The following ZNF438 variants were observed in gnomAD, a reference collection of about 807,000 sequenced individuals.
The protein encoded by ZNF438 is zinc finger protein 438.
ZNF438 carries 25 observed loss-of-function variants against 38.0 expected under a neutral mutation model. The observed-to-expected ratio is 0.66, with a 90% CI of 0.48 to 0.92. The LOEUF (loss-of-function observed/expected upper bound fraction) is 0.92. ZNF438 is among the 40% of genes least tolerant of loss of function. The probability of loss-of-function intolerance (pLI) is 0.00; values close to 1 mark genes in which losing one functional copy is unlikely to be tolerated. For missense variants in ZNF438, 1,007 were observed against 999.6 expected (o/e 1.01, Z -0.10); for synonymous variants, 372 against 364.1 (o/e 1.02, Z -0.25).
chr10:30,939,992 T>G (rs751337981), intron 2 of ZNF438, among the ~76,000 whole-genome samples: 2 of 152,184 alleles, frequency 1.3e-5, no homozygotes, highest in Non-Finnish European at 2.9e-5. Flanking sequence ...TGGAATACAG[T>G]GCATTTCTTG....
chr10:30,977,342 GAA>G (rs2051485930), intron 1 of ZNF438, among the ~76,000 whole-genome samples: 1 of 152,180 alleles, frequency 6.6e-6, no homozygotes, highest in African/African-American at 2.4e-5. Context: ...GCTCAAGTGA[GAA>G]AGAAATTCTT....
intron 1 of ZNF438, among the ~76,000 whole-genome samples, chr10:31,013,522 A>C (rs2055916565): frequency 2.0e-5 from 3 of 152,086 alleles, no homozygotes; most frequent in African/African-American, 7.2e-5. Context: ...GAAACAAAAG[A>C]GGGGTTATTA....
At chr10:30,875,591 A>G (rs2038289657) in intron 4 of ZNF438, 1 of 985,134 alleles carries the variant, frequency 1.0e-6, no homozygotes, top group African/African-American at 1.7e-5. Context: ...CAAATCTTCC[A>G]GAGGATATAT....
At chr10:30,978,949 C>T (rs1314826913) in intron 1 of ZNF438, among the ~76,000 whole-genome samples, 4 of 152,120 alleles carry the variant, frequency 2.6e-5, no homozygotes, top group Non-Finnish European at 5.9e-5. Flanking sequence ...ATATCGTCTT[C>T]GAATATAAGG....
chr10:30,907,870 G>A lies in ZNF438; in HGVS notation c.-32+1063C>T, dbSNP rs979232144. The stretch of plus-strand genomic sequence containing the variant: ...TATTTTCTTCCTTCTGCTTGTTTAG[G>A]TTTAGTTTGCTCTTCTTTTTCTAGG... On this transcript the variant is annotated intron_variant, in intron 3 of 5. Coordinates refer to ENST00000413025, the Ensembl canonical transcript of ZNF438. 3.3e-5 allele frequency among the ~76,000 whole-genome samples: 5 copies of A among 151,620 alleles called. No homozygotes were observed. In the East Asian group the frequency reaches 7.8e-4, roughly 24 times the overall value.
At chr10:30,844,744 G>A (rs190866187) in exon 6 of ZNF438, 8 of 530,890 alleles carry the variant, frequency 1.5e-5, no homozygotes, top group Admixed American at 1.0e-4. Context: ...GAATCAGTAC[G>A]TATTTTAAAA....
chr10:30,965,875 C>T (rs1171650650), intron 1 of ZNF438, among the ~76,000 whole-genome samples: 4 of 152,130 alleles, frequency 2.6e-5, no homozygotes, highest in African/African-American at 9.7e-5. Context: ...ACAATATACT[C>T]ATGTAACAAA....
intron 1 of ZNF438, among the ~76,000 whole-genome samples, chr10:30,963,986 T>C (rs975508982): frequency 6.6e-6 from 1 of 152,238 alleles, no homozygotes; most frequent in African/African-American, 2.4e-5. Context: ...GCTGAAATTT[T>C]ACTTGGGTGA....
chr10:31,007,216 G>C (rs1405720387), intron 1 of ZNF438, among the ~76,000 whole-genome samples: 2 of 151,546 alleles, frequency 1.3e-5, no homozygotes, highest in Non-Finnish European at 2.9e-5. Flanking sequence ...TTGGGCTCCT[G>C]ACTTCCAGAA....
intron 1 of ZNF438, among the ~76,000 whole-genome samples, chr10:31,019,973 G>T (rs1214601392): frequency 6.6e-6 from 1 of 152,124 alleles, no homozygotes; most frequent in African/African-American, 2.4e-5. Context: ...GCAAAGACTA[G>T]AAAATAAGGC....
intron 3 of ZNF438, among the ~76,000 whole-genome samples, chr10:30,878,522 GTTC>G (rs1322414229): frequency 6.6e-6 from 1 of 151,966 alleles, no homozygotes; most frequent in East Asian, 1.9e-4. Context: ...GCATGACCTC[GTTC>G]TTCTTGGACA....
chr10:30,881,649 A>T (rs769405551), intron 3 of ZNF438, among the ~76,000 whole-genome samples: 92 of 152,284 alleles, frequency 6.0e-4, no homozygotes, highest in South Asian at 1.2e-3. Flanking sequence ...TAAAATTCAC[A>T]TGAAAATAGA....
At chr10:31,027,296 T>C (rs184041660) in intron 1 of ZNF438, among the ~76,000 whole-genome samples, 256 of 152,282 alleles carry the variant, frequency 1.7e-3, no homozygotes, top group Admixed American at 3.2e-3. Context: ...CAGTATGTAC[T>C]ATCACTGGGC....
chr10:30,965,461 G>GAC (rs1306453283), intron 1 of ZNF438, among the ~76,000 whole-genome samples: 1 of 152,098 alleles, frequency 6.6e-6, no homozygotes. Context: ...CTACAAACAA[G>GAC]ACACATGAAC....
At chr10:30,845,677 G>A (rs1480249389) in intron 5 of ZNF438, 104 bp from the exon 7 acceptor site, 51 of 1,375,736 alleles carry the variant, frequency 3.7e-5, no homozygotes, top group East Asian at 2.3e-4. Flanking sequence ...TAACACTGAC[G>A]AGAAAGACAA....
chr10:30,918,274 G>A (rs1473906608), intron 2 of ZNF438, among the ~76,000 whole-genome samples: 1 of 151,994 alleles, frequency 6.6e-6, no homozygotes, highest in Non-Finnish European at 1.5e-5. Context: ...ACATTTCTAT[G>A]TAACTTTTAG....
intron 1 of ZNF438, among the ~76,000 whole-genome samples, chr10:30,955,721 A>ACTAAC (rs1452022917): frequency 1.3e-5 from 2 of 152,240 alleles, no homozygotes; most frequent in African/African-American, 4.8e-5. Context: ...AACCCATAGA[A>ACTAAC]CGATGAGCTA....
rs60965540 is a variant in ZNF438, at chr10:30,992,416, CT to C, written c.-192+39416del. Among the ~76,000 whole-genome samples the C allele has an allele frequency of 4.6e-3, 653 of 141,654 alleles. 5 individuals are homozygous for C. Among genetic ancestry groups the C allele is most frequent in the African/African-American group, 0.013 (510 of 38,466 alleles). 92.9% of individuals were successfully genotyped at this position (141,654 alleles called of 152,430 possible). ...GATGACTAGAGAAACTCTGAATCTT[CT>C]TTTTTTTTTTTTTTTAAGACAGTCT... On this transcript the variant is annotated intron_variant, in intron 1 of 5. Transcript: ENST00000413025.
At chr10:30,875,336 T>C (rs2038245217) in intron 4 of ZNF438, 1 of 985,458 alleles carries the variant, frequency 1.0e-6, no homozygotes, top group Non-Finnish European at 1.2e-6. Flanking sequence ...CTCACCTTTT[T>C]AGAGCCTGAA....
Sources: gnomAD v4.1 joint callset for allele counts (sites outside exome capture counted in the v4.1 genomes callset) on GRCh38, gnomAD v4.1.1 for gene constraint, MANE v1.5 for transcripts, NCBI Gene and HGNC (gene_info 2026-07-23, HGNC 2026-07-21) for gene names.